Variants in GIMAP8 observed in about 807,000 individuals in gnomAD.
GIMAP8 encodes GTPase, IMAP family member 8.
GIMAP8 carries 29 observed loss-of-function variants against 35.6 expected under a neutral mutation model. The observed-to-expected ratio is 0.81, with a 90% CI of 0.61 to 1.11. The LOEUF (loss-of-function observed/expected upper bound fraction) is 1.11. Among genes scored for constraint, GIMAP8 ranks in the 50% most tolerant of loss-of-function variants. The pLI is 0.00. For synonymous variants in GIMAP8, 335 were observed against 308.7 expected, an observed-to-expected ratio of 1.09 and a Z score of -0.89; for missense variants, 811 against 805.0, an observed-to-expected ratio of 1.01 and a Z score of -0.09.
chr7:150,457,041 A>C (rs1027346404), intron 1 of GIMAP8, among the ~76,000 whole-genome samples: 6 of 152,224 alleles, frequency 3.9e-5, no homozygotes, highest in African/African-American at 1.4e-4. Flanking sequence ...GAGTGGGATC[A>C]GGGGGCTGAC....
Position 150,472,746 on chromosome 7 carries a change from A to C in GIMAP8, c.683-1266A>C, listed in dbSNP as rs914054020. Reference sequence around the variant, plus strand: ...TAGGTGAAGTTCTCTTGAAGAAGTTATATTTGCATAGGAACCTGAGTAGCC... The same window carrying C: ...TAGGTGAAGTTCTCTTGAAGAAGTTCTATTTGCATAGGAACCTGAGTAGCC... On this transcript the variant is annotated intron_variant, in intron 3 of 4. Coordinates refer to ENST00000307271, the MANE Select transcript of GIMAP8 (RefSeq NM_175571.4). This position sits in a 1 kb window ranked among gnomAD's most constrained non-coding sequence, Gnocchi z 4.1. Among the ~76,000 whole-genome samples the C allele has an allele frequency of 2.1e-4, 32 of 152,344 alleles. No individual in the cohort carries two copies. Among genetic ancestry groups the C allele is most frequent in the African/African-American group, 7.5e-4 (31 of 41,584 alleles).
chr7:150,464,228 A>G (rs1399252968), intron 1 of GIMAP8, among the ~76,000 whole-genome samples: 1 of 152,232 alleles, frequency 6.6e-6, no homozygotes, highest in Non-Finnish European at 1.5e-5. Flanking sequence ...TGTAATAAAA[A>G]CACTACAAAT....
chr7:150,463,632 C>T (rs144177443), intron 1 of GIMAP8, among the ~76,000 whole-genome samples: 1 of 152,152 alleles, frequency 6.6e-6, no homozygotes, highest in East Asian at 1.9e-4. Flanking sequence ...CTGCAAGTTC[C>T]TCAGTGGTTT....
intron 1 of GIMAP8, among the ~76,000 whole-genome samples, chr7:150,459,990 G>A (rs1447326332): frequency 1.3e-5 from 2 of 152,224 alleles, no homozygotes; most frequent in South Asian, 2.1e-4. Context: ...TAGGTAGCTT[G>A]CTGATAACCC....
At position 150,474,418 on chromosome 7, in the gene GIMAP8, T is replaced by C; in HGVS notation, c.1089T>C (p.Leu363=). The change falls in exon 4 of 5, where the codon CTT becomes CTC. Residue 363 remains leucine (L), a synonymous_variant. Transcript: ENST00000307271. The part of the protein sequence containing the change: ...EKFFEYMIIL[L]TRKEDLGDQD... ...TCTTTGAGTACATGATCATACTTCT[T>C]ACCAGGAAAGAAGATTTAGGGGATC... is the stretch of plus-strand genomic sequence containing the variant. 1 of 1,614,026 alleles carries C rather than the reference T, an allele frequency of 6.2e-7. No homozygotes were observed.
chr7:150,467,542 T>C (rs1003457267), intron 2 of GIMAP8, among the ~76,000 whole-genome samples: 2 of 152,210 alleles, frequency 1.3e-5, no homozygotes, highest in African/African-American at 4.8e-5. Context: ...TATTAGCAAA[T>C]TAATGGACAA....
At chr7:150,452,709 T>C (rs7808885) in intron 1 of GIMAP8, among the ~76,000 whole-genome samples, 1,634 of 106,468 alleles carry the variant, frequency 0.015, 54 homozygotes, top group African/African-American at 0.032. Flanking sequence ...TATATATATA[T>C]ACATGCGAGT....
At chr7:150,461,729 A>G (rs1252063030) in intron 1 of GIMAP8, among the ~76,000 whole-genome samples, 5 of 152,096 alleles carry the variant, frequency 3.3e-5, no homozygotes, top group Admixed American at 1.3e-4. Context: ...TTACTGATAG[A>G]TGAACTTACT....
At position 150,477,275 on chromosome 7, in the gene GIMAP8, A is replaced by G. The variant is rs1283596014; in HGVS notation, c.1493A>G (p.Asn498Ser). Residue 498 changes from asparagine (N) to serine (S), a missense_variant, in exon 5 of 5, where the codon AAC becomes AGC. Transcript: ENST00000307271. ...EVVVVDTPSF[N>S]QMLDVEKDPS... ...GTGGTTGTGGACACTCCTTCCTTCA[A>G]CCAGATGCTGGATGTCGAAAAGGAC... The G allele has an allele frequency of 2.5e-6, 4 of 1,614,056 alleles. No individual in the cohort carries two copies. The highest frequency in any genetic ancestry group is 3.4e-6 in the Non-Finnish European group (4 of 1,179,990).
chr7:150,466,733 G>T lies in GIMAP8; in HGVS notation c.35G>T (p.Arg12Leu). Residue 12 changes from arginine (R) to leucine (L), a missense_variant, in exon 2 of 5, where the codon CGG becomes CTG. Arg to Leu is a moderately radical substitution (Grantham distance 102). Coordinates refer to ENST00000307271, the MANE Select transcript of GIMAP8 (RefSeq NM_175571.4). ...CAGAGCTGCCAGATGTCCGAACTGC[G>T]GCTCCTCCTCCTGGGAAAATGCCGC... ...SEQSCQMSEL[R>L]LLLLGKCRSG... is the part of the protein sequence containing the mutation. The T allele has an allele frequency of 6.2e-7, 1 of 1,614,216 alleles. No individual in the cohort carries two copies. The highest frequency in any genetic ancestry group is 1.7e-4 in the Middle Eastern group (1 of 6,048).
intron 2 of GIMAP8, among the ~76,000 whole-genome samples, chr7:150,469,250 G>A (rs1370824065): frequency 6.6e-6 from 1 of 152,090 alleles, no homozygotes. Context: ...ATCCCACCCT[G>A]TACCAGGTTT....
chr7:150,452,867 C>T (rs1322243501), intron 1 of GIMAP8, among the ~76,000 whole-genome samples: 7 of 150,846 alleles, frequency 4.6e-5, no homozygotes, highest in East Asian at 3.9e-4. Flanking sequence ...GGGTTACAGG[C>T]GTGAGCCACT....
chr7:150,462,457 A>G (rs920987118), intron 1 of GIMAP8, among the ~76,000 whole-genome samples: 1 of 152,064 alleles, frequency 6.6e-6, no homozygotes, highest in Non-Finnish European at 1.5e-5. Flanking sequence ...GTGCATTTTC[A>G]TGGTGGTAGA....
At chr7:150,457,906 G>A (rs1021197099) in intron 1 of GIMAP8, among the ~76,000 whole-genome samples, 4 of 152,270 alleles carry the variant, frequency 2.6e-5, no homozygotes, top group Non-Finnish European at 4.4e-5. Flanking sequence ...AGCTGCACTC[G>A]GCCACTCTCC....
chr7:150,466,513 A>T (rs964809001), intron 1 of GIMAP8, among the ~76,000 whole-genome samples, 158 bp from the exon 2 acceptor site: 2 of 152,180 alleles, frequency 1.3e-5, no homozygotes, highest in Non-Finnish European at 2.9e-5. Flanking sequence ...AGATCCTGGG[A>T]AAGTGTTTCT....
At position 150,478,586 on chromosome 7, in the gene GIMAP8, A is replaced by G. The variant is rs959821328; in HGVS notation, c.*806A>G. ...ATTTCCTCTAGAGAAGGTTATTAGA[A>G]TCTCCATTGCGTTTCTCTTTCTCCT... On this transcript the variant is annotated 3_prime_UTR_variant, in exon 5 of 5. Transcript: ENST00000307271. 45 of 152,204 alleles carry G rather than the reference A, an allele frequency of 3.0e-4. No homozygotes were observed. Among genetic ancestry groups the G allele is most frequent in the African/African-American group, 1.1e-3 (44 of 41,442 alleles). The allele number at this position is 152,204 out of a possible 1,614,324, so 9.4% of individuals were successfully genotyped here.
In GIMAP8 at chr7:150,474,438, G is replaced by A; in HGVS notation, c.1109G>A (p.Gly370Glu). Reference sequence around the variant, plus strand: ...CTTCTTACCAGGAAAGAAGATTTAGGGGATCAGGATCTAGATACGTTCTTA... The same window carrying A: ...CTTCTTACCAGGAAAGAAGATTTAGAGGATCAGGATCTAGATACGTTCTTA... ...IILLTRKEDLGDQDLDTFLRN... is the reference protein window; with the variant it reads ...IILLTRKEDLEDQDLDTFLRN... The change falls in exon 4 of 5, where the codon GGG becomes GAG. Residue 370 changes from glycine to glutamate, a missense_variant. Coordinates refer to ENST00000307271, the MANE Select transcript of GIMAP8 (RefSeq NM_175571.4). The A allele has an allele frequency of 1.2e-6, 2 of 1,613,862 alleles. No individual in the cohort carries two copies. The highest frequency in any genetic ancestry group is 1.7e-6 in the Non-Finnish European group (2 of 1,179,856).
chr7:150,477,086 T>A lies in GIMAP8; in HGVS notation c.1310-6T>A. On this transcript the variant is annotated splice_polypyrimidine_tract_variant and splice_region_variant and intron_variant, in intron 4 of 4. Transcript: ENST00000307271. ...GTCACGAATCTTTCCCACTTTCCTTTGACAGAAACCCTGAACATTGTCCTT... is the reference window on the plus strand; with the variant it reads ...GTCACGAATCTTTCCCACTTTCCTTAGACAGAAACCCTGAACATTGTCCTT... The A allele has an allele frequency of 6.3e-7, 1 of 1,590,562 alleles. No individual in the cohort carries two copies. The highest frequency in any genetic ancestry group is 8.6e-7 in the Non-Finnish European group (1 of 1,161,996).
intron 1 of GIMAP8, among the ~76,000 whole-genome samples, chr7:150,464,249 C>T (rs2116599751): frequency 6.6e-6 from 1 of 152,258 alleles, no homozygotes; most frequent in Admixed American, 6.5e-5. Context: ...TGATACGATT[C>T]TTTGTAGACG....
Sources: gnomAD v4.1 joint callset for allele counts (sites outside exome capture counted in the v4.1 genomes callset) on GRCh38, gnomAD v4.1.1 for gene constraint, Gnocchi (gnomAD v3.1) non-coding constraint, MANE v1.5 for transcripts, NCBI Gene and HGNC (gene_info 2026-07-23, HGNC 2026-07-21) for gene names.